DPP10: variants seen among roughly 807,000 people sequenced by gnomAD.
DPP10 encodes dipeptidyl peptidase like 10.
A neutral mutation model predicts 120.9 loss-of-function variants in DPP10; 33 were observed. The ratio of observed to expected loss-of-function variants is 0.27; its 90% CI spans 0.21 to 0.37. The LOEUF is 0.37. DPP10 is among the 10% of genes least tolerant of loss of function. The pLI is 1.00. For missense variants in DPP10, 816 were observed against 942.8 expected (o/e 0.87, Z 1.76); for synonymous variants, 337 against 326.1 (o/e 1.03, Z -0.36).
chr2:114,863,584 A>T (rs1689994393), intron 1 of DPP10, among the ~76,000 whole-genome samples: 1 of 152,110 alleles, frequency 6.6e-6, no homozygotes, highest in Non-Finnish European at 1.5e-5. Flanking sequence ...CCAACACCAG[A>T]CACATGGCTG....
At chr2:114,870,248 CT>C (rs1354677588) in intron 1 of DPP10, among the ~76,000 whole-genome samples, 2 of 152,066 alleles carry the variant, frequency 1.3e-5, no homozygotes, top group African/African-American at 4.8e-5. Context: ...CCTTGATTTT[CT>C]TTTTAGTAAA....
intron 1 of DPP10, chr2:114,828,781 A>T (rs1225544414): frequency 6.6e-6 from 1 of 152,290 alleles, no homozygotes; most frequent in Non-Finnish European, 1.5e-5. Flanking sequence ...AGGCAGGTGC[A>T]CATGCACTGG....
intron 1 of DPP10, among the ~76,000 whole-genome samples, chr2:115,037,452 ACATTTTGCAGC>A (rs1396587374): frequency 6.6e-6 from 1 of 152,220 alleles, no homozygotes; most frequent in Non-Finnish European, 1.5e-5. Context: ...AAACAAACAT[ACATTTTGCAGC>A]CATTAAGTTC....
chr2:115,804,695 A>C (rs1018168172), intron 19 of DPP10, among the ~76,000 whole-genome samples: 1 of 152,080 alleles, frequency 6.6e-6, no homozygotes, highest in Non-Finnish European at 1.5e-5. Flanking sequence ...CTGGAGGTCC[A>C]CTCCAGACCC....
intron 1 of DPP10, among the ~76,000 whole-genome samples, chr2:114,670,133 C>G (rs1057132140): frequency 1.3e-5 from 2 of 152,080 alleles, no homozygotes; most frequent in Non-Finnish European, 2.9e-5. Flanking sequence ...GGATCTAGAA[C>G]CAGAAATACC....
intron 5 of DPP10, among the ~76,000 whole-genome samples, chr2:115,581,799 A>T (rs1160981543): frequency 2.0e-5 from 3 of 152,074 alleles, no homozygotes; most frequent in Admixed American, 2.0e-4. Context: ...CAGAGATGGA[A>T]TTTAAGGAAC....
intron 10 of DPP10, 136 bp from the exon 11 acceptor site, chr2:115,753,038 T>G: frequency 1.6e-6 from 1 of 615,966 alleles, no homozygotes; most frequent in Non-Finnish European, 2.6e-6. Context: ...TCTATCTATC[T>G]ATACATAAAT....
intron 1 of DPP10, among the ~76,000 whole-genome samples, chr2:115,000,783 C>T (rs1175296234): frequency 3.3e-5 from 5 of 152,096 alleles, no homozygotes; most frequent in Non-Finnish European, 7.4e-5. Context: ...ATATGTTGAA[C>T]GTTCCTTAAG....
chr2:115,843,127 G>A lies in DPP10; in HGVS notation c.*782G>A, dbSNP rs1690313722. 1 of 152,556 alleles carries A rather than the reference G, an allele frequency of 6.6e-6. No individual in the cohort carries two copies. Among genetic ancestry groups the A allele is most frequent in the African/African-American group, 2.4e-5 (1 of 41,424 alleles). 9.5% of individuals were successfully genotyped at this position (152,556 alleles called of 1,614,324 possible). A position where few individuals can be genotyped will look rare whatever the true frequency, so the allele number is the denominator to read the frequency against. On this transcript the variant is annotated 3_prime_UTR_variant, in exon 26 of 26. Transcript: ENST00000410059. The stretch of plus-strand genomic sequence containing the variant: ...CTATAATGGATGCTTTGTTTAATGA[G>A]CCAAATATGATGAAACATTTTTTCC...
intron 1 of DPP10, among the ~76,000 whole-genome samples, chr2:114,591,554 ATTTTTTTTT>A (rs70937292): frequency 4.8e-5 from 6 of 124,570 alleles, no homozygotes; most frequent in Non-Finnish European, 8.3e-5. Flanking sequence ...ACCTCTTCCT[ATTTTTTTTT>A]TTTTTTTTTG....
At chr2:115,821,062 G>A (rs181309309) in intron 21 of DPP10, among the ~76,000 whole-genome samples, 9 of 152,238 alleles carry the variant, frequency 5.9e-5, no homozygotes, top group Admixed American at 3.3e-4. Flanking sequence ...CGTAGTGGTT[G>A]TACTAGTTTA....
chr2:115,604,732 G>A (rs1267979442), intron 5 of DPP10, among the ~76,000 whole-genome samples: 4 of 151,896 alleles, frequency 2.6e-5, no homozygotes, highest in Admixed American at 6.6e-5. Flanking sequence ...TTCTAACATC[G>A]ACAGTATAGC....
intron 2 of DPP10, among the ~76,000 whole-genome samples, chr2:115,339,677 G>C (rs2063345519): frequency 6.6e-6 from 1 of 152,046 alleles, no homozygotes; most frequent in Non-Finnish European, 1.5e-5. Flanking sequence ...GGATCTCAAG[G>C]GAATTATTCT....
At chr2:114,461,116 A>G (rs1678887071) in intron 1 of DPP10, among the ~76,000 whole-genome samples, 1 of 152,242 alleles carries the variant, frequency 6.6e-6, no homozygotes, top group Admixed American at 6.5e-5. Context: ...TTAAAAGCAC[A>G]TGCCAGATTG....
intron 1 of DPP10, among the ~76,000 whole-genome samples, chr2:114,906,382 CAAAA>C (rs1184226315): frequency 1.8e-5 from 2 of 112,170 alleles, no homozygotes; most frequent in Non-Finnish European, 3.9e-5. Flanking sequence ...AGTTCTATCT[CAAAA>C]AAAAAAAAAA....
chr2:115,490,990 C>G (rs192403703), intron 3 of DPP10, among the ~76,000 whole-genome samples: 131 of 152,252 alleles, frequency 8.6e-4, no homozygotes, highest in African/African-American at 3.0e-3. Context: ...TGTTGACTCA[C>G]ACCTGTAGTC....
At chr2:115,136,339 T>TC (rs1233258795) in intron 1 of DPP10, among the ~76,000 whole-genome samples, 1 of 152,094 alleles carries the variant, frequency 6.6e-6, no homozygotes, top group Non-Finnish European at 1.5e-5. Flanking sequence ...TCCCAGTGTT[T>TC]CTGTGATGAT....
At chr2:114,610,021 A>G (rs1693153447) in intron 1 of DPP10, among the ~76,000 whole-genome samples, 1 of 152,188 alleles carries the variant, frequency 6.6e-6, no homozygotes, top group Non-Finnish European at 1.5e-5. Flanking sequence ...GAGAAAAGGC[A>G]ATGTTCGTAT....
At chr2:115,612,245 A>C (rs557741586) in intron 5 of DPP10, among the ~76,000 whole-genome samples, 3 of 152,156 alleles carry the variant, frequency 2.0e-5, no homozygotes, top group Non-Finnish European at 2.9e-5. Flanking sequence ...GAAATTTTCC[A>C]AAAAGAATCT....
Sources: allele counts gnomAD v4.1 joint callset (sites outside exome capture counted in the v4.1 genomes callset), GRCh38; gene constraint gnomAD v4.1.1; transcripts MANE v1.5; gene names NCBI Gene and HGNC (gene_info 2026-07-23, HGNC 2026-07-21).